Variants in NELL2 observed in about 807,000 individuals in gnomAD.
NELL2 encodes neural EGFL like 2, also known as protein kinase C-binding protein NELL2.
Under a neutral mutation model 109.6 loss-of-function variants are expected in NELL2, and 41 were observed. The ratio of observed to expected loss-of-function variants is 0.37; its 90% CI spans 0.29 to 0.49. The LOEUF is 0.49. Among genes scored for constraint, NELL2 ranks in the 20% least tolerant of loss-of-function variants. The pLI, the probability that NELL2 is intolerant of heterozygous loss-of-function variation, is 0.98. For synonymous variants in NELL2, 355 were observed against 344.7 expected (o/e 1.03, Z -0.33); for missense variants, 900 against 1,008.3 (o/e 0.89, Z 1.45).
At chr12:44,604,567 A>G (rs2060840) in intron 15 of NELL2, among the ~76,000 whole-genome samples, 97,218 of 151,972 alleles carry the variant, frequency 0.64, 33,069 homozygotes, top group African/African-American at 0.89. Context: ...AACTACTAAG[A>G]GGCAGGCCTT....
chr12:44,579,421 G>T (rs1944244389), intron 15 of NELL2, among the ~76,000 whole-genome samples: 1 of 152,164 alleles, frequency 6.6e-6, no homozygotes, highest in Non-Finnish European at 1.5e-5. Context: ...TAACGATTTT[G>T]TTCTGAAACA....
At chr12:44,635,711 G>A (rs1343580928) in intron 13 of NELL2, among the ~76,000 whole-genome samples, 1 of 152,168 alleles carries the variant, frequency 6.6e-6, no homozygotes, top group Non-Finnish European at 1.5e-5. Flanking sequence ...TTGAAGTCAG[G>A]TAGCATGATG....
chr12:44,645,833 C>G (rs541911732), intron 13 of NELL2, among the ~76,000 whole-genome samples: 1 of 152,238 alleles, frequency 6.6e-6, no homozygotes, highest in African/African-American at 2.4e-5. Context: ...TGTCTATACA[C>G]TCCTTAATTC....
chr12:44,845,297 A>G, intron 2 of NELL2, among the ~76,000 whole-genome samples: 1 of 152,212 alleles, frequency 6.6e-6, no homozygotes, highest in Non-Finnish European at 1.5e-5. Context: ...CTAATCAAGT[A>G]TTATAATTCC....
chr12:44,685,713 T>G (rs1353543833), intron 12 of NELL2, among the ~76,000 whole-genome samples: 4 of 152,172 alleles, frequency 2.6e-5, no homozygotes, highest in African/African-American at 9.7e-5. Context: ...AGGTTGAAAA[T>G]TCTTTTCTTT....
chr12:44,874,717 A>T (rs1167186480), intron 2 of NELL2, among the ~76,000 whole-genome samples: 1 of 152,196 alleles, frequency 6.6e-6, no homozygotes, highest in African/African-American at 2.4e-5. Context: ...TCAAAGATAA[A>T]TTTTGCCTCA....
chr12:44,717,711 GC>G (rs1219257048), intron 9 of NELL2, among the ~76,000 whole-genome samples: 15 of 152,306 alleles, frequency 9.8e-5, no homozygotes, highest in Non-Finnish European at 1.9e-4. Flanking sequence ...AGGAGAGGCT[GC>G]CTTGTAAAAG....
At chr12:44,698,228 T>C (rs1314035175) in intron 12 of NELL2, among the ~76,000 whole-genome samples, 2 of 152,220 alleles carry the variant, frequency 1.3e-5, no homozygotes, top group Admixed American at 6.5e-5. Context: ...CAGATGCTCA[T>C]GGTTAAAATG....
intron 15 of NELL2, among the ~76,000 whole-genome samples, chr12:44,554,653 A>C (rs1943172562): frequency 6.6e-6 from 1 of 152,222 alleles, no homozygotes; most frequent in Admixed American, 6.5e-5. Flanking sequence ...ATATGGAATA[A>C]AAATGTGTTC....
intron 15 of NELL2, among the ~76,000 whole-genome samples, chr12:44,562,738 C>A (rs959823467): frequency 2.6e-5 from 4 of 152,238 alleles, no homozygotes; most frequent in Non-Finnish European, 4.4e-5. Flanking sequence ...ATTAGTTCAA[C>A]CATTGTGGAA....
intron 2 of NELL2, among the ~76,000 whole-genome samples, chr12:44,833,899 C>T (rs186143855): frequency 1.6e-4 from 24 of 152,268 alleles, no homozygotes; most frequent in East Asian, 7.7e-4. Context: ...CCTATTGAAA[C>T]GAAAGTATCG....
chr12:44,804,160 G>A (rs1168685239), intron 3 of NELL2, among the ~76,000 whole-genome samples: 4 of 151,830 alleles, frequency 2.6e-5, no homozygotes, highest in African/African-American at 7.2e-5. Context: ...TCAAGAATGT[G>A]TCATCCCACA....
chr12:44,750,243 T>A (rs2136525075), intron 9 of NELL2, among the ~76,000 whole-genome samples: 1 of 152,324 alleles, frequency 6.6e-6, no homozygotes, highest in East Asian at 1.9e-4. Flanking sequence ...AGTATGTTTC[T>A]TTATGGACTC....
At chr12:44,816,399 A>G (rs1943352830) in intron 2 of NELL2, among the ~76,000 whole-genome samples, 1 of 152,186 alleles carries the variant, frequency 6.6e-6, no homozygotes, top group South Asian at 2.1e-4. Context: ...CAAAAAATCA[A>G]AAAACCTTAC....
Position 44,723,157 on chromosome 12 carries a change from C to T in NELL2, c.995-8416G>A, listed in dbSNP as rs189243707. On this transcript the variant is annotated intron_variant, in intron 9 of 19. Transcript: ENST00000429094. ...TGAGCCGAGATCGCACCACACTGCA[C>T]TCCAGCCTGGGCGACAGAGCAAGAC... Among the ~76,000 whole-genome samples, 63 of 151,786 alleles carry T rather than the reference C, an allele frequency of 4.2e-4. No individual in the cohort carries two copies. In the East Asian group the frequency reaches 0.01, roughly 25 times the overall value.
chr12:44,876,011 T>C lies in NELL2; in HGVS notation c.-142A>G. The C allele has an allele frequency of 6.6e-7, 1 of 1,519,916 alleles. No individual in the cohort carries two copies. The allele number at this position is 1,519,916 out of a possible 1,614,324, so 94.2% of individuals were successfully genotyped here. Reference sequence around the variant, plus strand: ...TACTGATCAGTAGGATTAATACGCTTTGGTTGCCTAAGAAAGAAAAGGGAG... The same window carrying C: ...TACTGATCAGTAGGATTAATACGCTCTGGTTGCCTAAGAAAGAAAAGGGAG... On this transcript the variant is annotated 5_prime_UTR_variant, in exon 1 of 20. Coordinates refer to ENST00000429094, the MANE Select transcript of NELL2 (RefSeq NM_001145108.2).
chr12:44,839,389 G>T (rs1944153437), intron 2 of NELL2, among the ~76,000 whole-genome samples: 3 of 152,060 alleles, frequency 2.0e-5, no homozygotes, highest in African/African-American at 7.2e-5. Context: ...ATATACTAAT[G>T]ATATACAATA....
In NELL2 at chr12:44,910,313, T is replaced by A. The variant is rs550897352; in HGVS notation, c.38+3486A>T. On this transcript the variant is annotated intron_variant, in intron 1 of 20. Transcript: ENST00000333837. ...CCCATTAAAGAATGGGCAAAAGACA[T>A]AAGAGACACTTTTCAAAAGACATAC... is the stretch of plus-strand genomic sequence containing the variant. Among the ~76,000 whole-genome samples, 3 of 151,860 alleles carry A rather than the reference T, an allele frequency of 2.0e-5. No individual in the cohort carries two copies. In the South Asian group the frequency reaches 6.2e-4, roughly 32 times the overall value.
At chr12:44,834,540 C>T (rs1288651077) in intron 2 of NELL2, among the ~76,000 whole-genome samples, 1 of 151,730 alleles carries the variant, frequency 6.6e-6, no homozygotes, top group Non-Finnish European at 1.5e-5. Flanking sequence ...AACAAATACC[C>T]AGGGGGCCAG....
Sources: gnomAD v4.1 joint callset for allele counts (sites outside exome capture counted in the v4.1 genomes callset) on GRCh38, gnomAD v4.1.1 for gene constraint, MANE v1.5 for transcripts, NCBI Gene and HGNC (gene_info 2026-07-23, HGNC 2026-07-21) for gene names.